The following FAM53A variants were observed in gnomAD, a reference collection of about 807,000 sequenced individuals.
FAM53A encodes the protein family with sequence similarity 53 member A, also known as protein FAM53A.
A neutral mutation model predicts 26.6 loss-of-function variants in FAM53A; 28 were observed. The ratio of observed to expected loss-of-function variants is 1.05; its 90% CI spans 0.78 to 1.45. The LOEUF is 1.45. Ranked by LOEUF, FAM53A falls within the 40% of genes most tolerant of loss-of-function variation. The pLI is 0.00. For synonymous variants in FAM53A, 290 were observed against 253.1 expected, an observed-to-expected ratio of 1.15 and a Z score of -1.38; for missense variants, 650 against 575.8, an observed-to-expected ratio of 1.13 and a Z score of -1.32.
At chr4:1,631,537 G>A (rs900964962) in intron 1 of FAM53A, among the ~76,000 whole-genome samples, 21 of 152,194 alleles carry the variant, frequency 1.4e-4, no homozygotes, top group Non-Finnish European at 2.6e-4. Context: ...CAGTCCCAGG[G>A]AAACAGCCTC....
downstream of FAM53A, among the ~76,000 whole-genome samples, chr4:1,615,516 G>T (rs1397280015): frequency 1.4e-5 from 2 of 145,016 alleles, no homozygotes; most frequent in African/African-American, 5.3e-5. Flanking sequence ...CGGAAGACAG[G>T]ATGTGGCCAC....
the FAM53A span, among the ~76,000 whole-genome samples, chr4:1,587,903 T>C: frequency 6.6e-6 from 1 of 152,238 alleles, no homozygotes; most frequent in Admixed American, 6.5e-5. Context: ...TTATATTTAA[T>C]ATTTTAATAA....
At chr4:1,610,919 G>A in the FAM53A span, among the ~76,000 whole-genome samples, 21 of 152,322 alleles carry the variant, frequency 1.4e-4, no homozygotes, top group African/African-American at 3.4e-4. Flanking sequence ...CCTGTCCGCA[G>A]CACACCCGAG....
At chr4:1,589,797 T>C in the FAM53A span, among the ~76,000 whole-genome samples, 1 of 152,190 alleles carries the variant, frequency 6.6e-6, no homozygotes, top group Non-Finnish European at 1.5e-5. Context: ...CTTCTCTCCT[T>C]TGTCATCAGT....
chr4:1,608,078 T>C, the FAM53A span, among the ~76,000 whole-genome samples: 18 of 152,112 alleles, frequency 1.2e-4, no homozygotes, highest in Admixed American at 1.3e-4. Flanking sequence ...GGCCACTGCA[T>C]TCCAGCCTTG....
chr4:1,618,283 T>C (rs1714883261), intron 1 of FAM53A, among the ~76,000 whole-genome samples: 1 of 152,022 alleles, frequency 6.6e-6, no homozygotes, highest in Non-Finnish European at 1.5e-5. Flanking sequence ...TCAGTGGGGA[T>C]GGCATGGGAA....
intron 4 of FAM53A, among the ~76,000 whole-genome samples, chr4:1,649,039 G>A (rs745395588): frequency 3.3e-5 from 5 of 152,126 alleles, no homozygotes; most frequent in Non-Finnish European, 5.9e-5. Context: ...CTGGAATCTG[G>A]GAGGCAGAGG....
chr4:1,653,498 G>A (rs1034937418), intron 4 of FAM53A, among the ~76,000 whole-genome samples: 13 of 152,192 alleles, frequency 8.5e-5, no homozygotes, highest in Admixed American at 2.0e-4. Flanking sequence ...CCTGGTCCCC[G>A]TGGGGCCTGA....
chr4:1,681,126 C>T (rs529082524), intron 1 of FAM53A, among the ~76,000 whole-genome samples: 4 of 151,946 alleles, frequency 2.6e-5, no homozygotes, highest in African/African-American at 7.3e-5. Flanking sequence ...GATGAAGTTT[C>T]GCTGTTGCTG....
rs200994120 is a variant in FAM53A at position 1,655,505 on chromosome 4, G to A, written c.355C>T (p.Arg119Trp). The change falls in exon 4 of 5, where the codon CGG becomes TGG. Residue 119 changes from arginine to tryptophan, a missense_variant. Physicochemically the swap from Arg to Trp is moderately radical, Grantham distance 101. Transcript: ENST00000308132. ...GGTTCTGACAAGGACCGGCAATGCC[G>A]CTTGGTCGGTGGGGCCGTGGACGAG... ...TGSSTAPPTK[R>W]HCRSLSEPEE... 2.9e-5 allele frequency: 46 copies of A among 1,571,964 alleles called. No individual in the cohort carries two copies. The East Asian group carries it at 8.6e-4, about 29-fold the overall frequency.
intron 1 of FAM53A, among the ~76,000 whole-genome samples, chr4:1,673,065 G>C (rs770586742): frequency 1.3e-5 from 2 of 152,234 alleles, no homozygotes; most frequent in South Asian, 4.1e-4. Context: ...TCACCACCAC[G>C]CCTGGCCTGG....
At chr4:1,636,367 G>A (rs746264950), downstream of FAM53A, among the ~76,000 whole-genome samples, 5 of 152,322 alleles carry the variant, frequency 3.3e-5, no homozygotes, top group Middle Eastern at 0.01. Context: ...ACCACCAAGA[G>A]GATTACGAGA....
chr4:1,643,279 A>G (rs1577104801), intron 4 of FAM53A, among the ~76,000 whole-genome samples: 1 of 152,034 alleles, frequency 6.6e-6, no homozygotes, highest in African/African-American at 2.4e-5. Context: ...ATCCTGGCTA[A>G]CACGGTGAAG....
the FAM53A span, among the ~76,000 whole-genome samples, chr4:1,600,045 T>A: frequency 6.6e-6 from 1 of 152,188 alleles, no homozygotes; most frequent in South Asian, 2.1e-4. Flanking sequence ...CTGGGTGCTA[T>A]GGTTGGGGCA....
chr4:1,639,883 A>C (rs567856762), downstream of FAM53A: 114 of 152,366 alleles, frequency 7.5e-4, no homozygotes, highest in African/African-American at 2.6e-3. Context: ...AAAAAGTATT[A>C]ATGTTTTCTT....
intron 1 of FAM53A, among the ~76,000 whole-genome samples, chr4:1,678,057 T>C (rs1428254563): frequency 6.6e-6 from 1 of 152,186 alleles, no homozygotes; most frequent in Non-Finnish European, 1.5e-5. Context: ...CTCTAAGACT[T>C]ATTATAAAAT....
At chr4:1,576,079 C>G in the FAM53A span, among the ~76,000 whole-genome samples, 1 of 152,148 alleles carries the variant, frequency 6.6e-6, no homozygotes, top group Admixed American at 6.5e-5. Context: ...TTGATCGGCC[C>G]GTGCACTGGT....
At chr4:1,643,537 A>C (rs1711950265) in intron 4 of FAM53A, among the ~76,000 whole-genome samples, 2 of 151,816 alleles carry the variant, frequency 1.3e-5, no homozygotes, top group South Asian at 4.2e-4. Context: ...ATAAAAAGTG[A>C]ATCACTGAGA....
At chr4:1,598,789 C>A in the FAM53A span, among the ~76,000 whole-genome samples, 1 of 152,230 alleles carries the variant, frequency 6.6e-6, no homozygotes, top group Non-Finnish European at 1.5e-5. Context: ...TTAAGAGCCG[C>A]AGGATGGAGC....
Sources: gnomAD v4.1 joint callset for allele counts (sites outside exome capture counted in the v4.1 genomes callset) on GRCh38, gnomAD v4.1.1 for gene constraint, MANE v1.5 for transcripts, NCBI Gene and HGNC (gene_info 2026-07-23, HGNC 2026-07-21) for gene names.